Variants in TMEM132C observed in about 807,000 individuals in gnomAD.
TMEM132C encodes protein phosphatase 1, regulatory subunit 152.
In TMEM132C, 29 loss-of-function variants were observed where a neutral mutation model predicts 61.4. The observed-to-expected ratio is 0.47, with a 90% CI of 0.35 to 0.64. TMEM132C has a LOEUF of 0.64. TMEM132C is among the 30% of genes least tolerant of loss of function. TMEM132C has a pLI of 0.00. For missense variants in TMEM132C, 1,408 were observed against 1,476.9 expected (o/e 0.95, Z 0.76); for synonymous variants, 656 against 633.1 (o/e 1.04, Z -0.54).
intron 2 of TMEM132C, among the ~76,000 whole-genome samples, chr12:128,541,163 T>C (rs1252730938): frequency 6.6e-6 from 1 of 152,160 alleles, no homozygotes; most frequent in Non-Finnish European, 1.5e-5. Flanking sequence ...TTGACTGGTT[T>C]ATTAAAAAGG....
At chr12:128,629,599 G>A (rs1379322820) in intron 4 of TMEM132C, among the ~76,000 whole-genome samples, 1 of 152,166 alleles carries the variant, frequency 6.6e-6, no homozygotes, top group Non-Finnish European at 1.5e-5. Context: ...TATGAATCGA[G>A]GGCCATGAAG....
intron 1 of TMEM132C, among the ~76,000 whole-genome samples, chr12:128,309,653 C>CTTCT (rs1323066424): frequency 6.6e-6 from 1 of 152,144 alleles, no homozygotes; most frequent in Non-Finnish European, 1.5e-5. Context: ...CTGTGTCTGG[C>CTTCT]TTCTCTCACT....
At chr12:128,271,303 A>G (rs887433253) in intron 1 of TMEM132C, among the ~76,000 whole-genome samples, 6 of 133,824 alleles carry the variant, frequency 4.5e-5, no homozygotes, top group Non-Finnish European at 8.0e-5. Context: ...TAATAATAAT[A>G]ATAAAATGAA....
intron 2 of TMEM132C, among the ~76,000 whole-genome samples, chr12:128,478,077 A>C (rs1455390706): frequency 1.3e-5 from 2 of 152,172 alleles, no homozygotes; most frequent in Non-Finnish European, 2.9e-5. Context: ...ATGAGTAGTT[A>C]TTTTTAAAGT....
At chr12:128,449,000 G>C (rs910372814) in intron 2 of TMEM132C, among the ~76,000 whole-genome samples, 1 of 151,714 alleles carries the variant, frequency 6.6e-6, no homozygotes, top group Admixed American at 6.6e-5. Context: ...AGCCAGGCGC[G>C]GTGGCGGGCA....
At chr12:128,310,994 C>T (rs543068173) in intron 1 of TMEM132C, among the ~76,000 whole-genome samples, 37 of 152,074 alleles carry the variant, frequency 2.4e-4, no homozygotes, top group Admixed American at 9.8e-4. Flanking sequence ...ATGTACCCTT[C>T]AACTATGTAT....
chr12:128,699,098 G>A (rs978517187), intron 8 of TMEM132C, among the ~76,000 whole-genome samples: 14 of 146,166 alleles, frequency 9.6e-5, no homozygotes, highest in Admixed American at 6.3e-4. Context: ...GCCTACAGGG[G>A]CTGGGCTGGT....
At chr12:128,651,800 C>A (rs960925895) in intron 4 of TMEM132C, among the ~76,000 whole-genome samples, 7 of 152,136 alleles carry the variant, frequency 4.6e-5, no homozygotes, top group African/African-American at 1.7e-4. Flanking sequence ...TATGCAAAGA[C>A]TGCCATGTTT....
intron 4 of TMEM132C, among the ~76,000 whole-genome samples, chr12:128,625,877 A>T (rs1473708959): frequency 1.3e-5 from 2 of 152,166 alleles, no homozygotes; most frequent in Non-Finnish European, 2.9e-5. Context: ...ATTTCAGCAT[A>T]TGAATTTGGG....
At chr12:128,282,611 G>A (rs561185770) in intron 1 of TMEM132C, among the ~76,000 whole-genome samples, 2 of 152,344 alleles carry the variant, frequency 1.3e-5, no homozygotes, top group African/African-American at 4.8e-5. Flanking sequence ...AGCAGTTCCA[G>A]ATGAGATTTG....
At chr12:128,634,465 G>T (rs1439060553) in intron 4 of TMEM132C, among the ~76,000 whole-genome samples, 1 of 152,268 alleles carries the variant, frequency 6.6e-6, no homozygotes, top group African/African-American at 2.4e-5. Context: ...AGATGGCTTT[G>T]AAAATATCTG....
chr12:128,442,674 A>ATGC (rs1429801005), intron 2 of TMEM132C, among the ~76,000 whole-genome samples: 1 of 152,186 alleles, frequency 6.6e-6, no homozygotes, highest in Non-Finnish European at 1.5e-5. Flanking sequence ...GGGGAAAATC[A>ATGC]TGCTACAAAG....
chr12:128,598,770 T>C (rs889016735), intron 3 of TMEM132C, among the ~76,000 whole-genome samples: 1 of 151,526 alleles, frequency 6.6e-6, no homozygotes, highest in African/African-American at 2.4e-5. Context: ...CCAGGCTTTC[T>C]TCATATCATA....
At chr12:128,499,537 A>G (rs1362606415) in intron 2 of TMEM132C, among the ~76,000 whole-genome samples, 1 of 152,014 alleles carries the variant, frequency 6.6e-6, no homozygotes, top group Non-Finnish European at 1.5e-5. Flanking sequence ...GTACCCATTA[A>G]CCCTCTCCCG....
chr12:128,353,254 G>A (rs1873396864), intron 1 of TMEM132C, among the ~76,000 whole-genome samples: 1 of 152,216 alleles, frequency 6.6e-6, no homozygotes, highest in Non-Finnish European at 1.5e-5. Context: ...GGCAGCATGA[G>A]TGAAAAGGGA....
At chr12:128,273,913 C>T (rs1386815883) in intron 1 of TMEM132C, among the ~76,000 whole-genome samples, 1 of 152,098 alleles carries the variant, frequency 6.6e-6, no homozygotes, top group Admixed American at 6.6e-5. Context: ...ATCTTTATGT[C>T]TATTAAAGAA....
chr12:128,446,861 A>G (rs1869997750), intron 2 of TMEM132C, among the ~76,000 whole-genome samples: 1 of 152,158 alleles, frequency 6.6e-6, no homozygotes, highest in Non-Finnish European at 1.5e-5. Flanking sequence ...AAGTGGTTTC[A>G]TTGCTGCATA....
chr12:128,469,297 C>T (rs918021125), intron 2 of TMEM132C, among the ~76,000 whole-genome samples: 1 of 150,602 alleles, frequency 6.6e-6, no homozygotes, highest in East Asian at 1.9e-4. Flanking sequence ...TATATATAAG[C>T]GTGAGTGCAC....
intron 1 of TMEM132C, among the ~76,000 whole-genome samples, chr12:128,401,590 G>C (rs1365359891): frequency 6.6e-6 from 1 of 152,112 alleles, no homozygotes. Flanking sequence ...CGACTTTTTA[G>C]ATAAGTTTCA....
Sources: allele counts gnomAD v4.1 joint callset (sites outside exome capture counted in the v4.1 genomes callset), GRCh38; gene constraint gnomAD v4.1.1; transcripts MANE v1.5; gene names NCBI Gene and HGNC (gene_info 2026-07-23, HGNC 2026-07-21).